The following PCCA variants were observed in gnomAD, a reference collection of about 807,000 sequenced individuals.
PCCA encodes the protein propionyl-CoA carboxylase alpha chain, mitochondrial.
A neutral mutation model predicts 101.3 loss-of-function variants in PCCA; 74 were observed. The observed-to-expected ratio is 0.73, with a 90% CI of 0.61 to 0.89. PCCA has a LOEUF of 0.89. Among genes scored for constraint, PCCA ranks in the 40% least tolerant of loss-of-function variants. The pLI is 0.00. For missense variants in PCCA, 891 were observed against 907.0 expected, an observed-to-expected ratio of 0.98 and a Z score of 0.23; for synonymous variants, 294 against 313.6, an observed-to-expected ratio of 0.94 and a Z score of 0.66.
At chr13:100,178,498 C>A (rs1372434543) in intron 6 of PCCA, among the ~76,000 whole-genome samples, 2 of 152,102 alleles carry the variant, frequency 1.3e-5, no homozygotes, top group Admixed American at 6.5e-5. Flanking sequence ...CTGACAAATC[C>A]CAAATGGGTT....
At chr13:100,235,313 A>T (rs529375412) in intron 7 of PCCA, among the ~76,000 whole-genome samples, 20 of 152,038 alleles carry the variant, frequency 1.3e-4, no homozygotes, top group Non-Finnish European at 2.8e-4. Flanking sequence ...ATAGAAAAGA[A>T]AAGGTAATGC....
rs375352524 is a variant in PCCA at position 100,265,289 on chromosome 13, TTTTG to T, written c.819+2467_819+2470del. Among the ~76,000 whole-genome samples the T allele has an allele frequency of 1.3e-3, 198 of 152,332 alleles. 2 individuals carry two copies. The highest frequency in any genetic ancestry group is 0.01 in the South Asian group (50 of 4,828). On this transcript the variant is annotated intron_variant, in intron 10 of 23. Coordinates refer to ENST00000376285, the MANE Select transcript of PCCA (RefSeq NM_000282.4). ...TGTTACTCTCCTTTACTTATTATTA[TTTTG>T]TTTGTTTGATGTGAGGCAGGGTCAG...
At position 100,431,589 on chromosome 13, in the gene PCCA, G is replaced by A. The variant is rs1206931551; in HGVS notation, c.1845+5858G>A. Among the ~76,000 whole-genome samples the A allele has an allele frequency of 3.9e-5, 6 of 152,140 alleles. No homozygotes were observed. The South Asian group carries it at 8.3e-4, about 21-fold the overall frequency. On this transcript the variant is annotated intron_variant, in intron 20 of 23. Transcript: ENST00000376285. ...CCTCATGGGATTGATTTTTGTACAC[G>A]GTATGAGTGGCTCACGCCTGTAATC... is the stretch of plus-strand genomic sequence containing the variant.
At chr13:100,422,408 G>C (rs1268784508) in intron 19 of PCCA, among the ~76,000 whole-genome samples, 2 of 152,012 alleles carry the variant, frequency 1.3e-5, no homozygotes, top group African/African-American at 4.8e-5. Flanking sequence ...AAAGTGCTGG[G>C]CTTACAGGCG....
chr13:100,140,587 T>C (rs1403713885), intron 4 of PCCA, among the ~76,000 whole-genome samples: 1 of 152,222 alleles, frequency 6.6e-6, no homozygotes, highest in Non-Finnish European at 1.5e-5. Flanking sequence ...AGGGAGATCA[T>C]GGGAGGAAAA....
intron 19 of PCCA, among the ~76,000 whole-genome samples, chr13:100,389,301 G>C (rs1244031464): frequency 6.6e-6 from 1 of 152,142 alleles, no homozygotes; most frequent in Non-Finnish European, 1.5e-5. Flanking sequence ...TACATAAAAA[G>C]TAGATACAGC....
chr13:100,191,272 C>T (rs2057723563), intron 6 of PCCA, among the ~76,000 whole-genome samples: 1 of 152,200 alleles, frequency 6.6e-6, no homozygotes, highest in Non-Finnish European at 1.5e-5. Context: ...CTTAAGGTTT[C>T]AAGTGCACAG....
intron 12 of PCCA, among the ~76,000 whole-genome samples, chr13:100,295,373 T>A (rs2065447924): frequency 6.6e-6 from 1 of 152,216 alleles, no homozygotes; most frequent in Admixed American, 6.5e-5. Context: ...CATACTAAAC[T>A]ACTTTGCTAA....
At chr13:100,298,744 G>A (rs188418739) in intron 12 of PCCA, among the ~76,000 whole-genome samples, 7 of 105,106 alleles carry the variant, frequency 6.7e-5, no homozygotes, top group East Asian at 5.8e-4. Context: ...CCTTCCTTCC[G>A]TCCTTCCTTC....
chr13:100,239,199 C>A (rs776405437), intron 8 of PCCA, among the ~76,000 whole-genome samples: 2 of 152,126 alleles, frequency 1.3e-5, no homozygotes, highest in Admixed American at 6.5e-5. Flanking sequence ...TGGGTTTAAT[C>A]ATTTTTGTTT....
At chr13:100,401,450 G>A (rs898650732) in intron 19 of PCCA, among the ~76,000 whole-genome samples, 13 of 152,054 alleles carry the variant, frequency 8.5e-5, no homozygotes, top group African/African-American at 1.7e-4. Context: ...CACTATGTTG[G>A]TCAGGCTGCT....
chr13:100,449,579 C>T (rs537183848), intron 21 of PCCA, among the ~76,000 whole-genome samples: 76 of 152,256 alleles, frequency 5.0e-4, no homozygotes, highest in Non-Finnish European at 8.1e-4. Context: ...CTCTGCCTCC[C>T]GGGTTCAAGC....
intron 12 of PCCA, among the ~76,000 whole-genome samples, chr13:100,278,654 A>G (rs757060250): frequency 7.9e-5 from 12 of 151,730 alleles, no homozygotes; most frequent in Non-Finnish European, 1.2e-4. Context: ...TAATTTTTGT[A>G]TTTTTAGTAG....
chr13:100,091,393 A>G (rs951966870), intron 1 of PCCA, among the ~76,000 whole-genome samples: 3 of 152,192 alleles, frequency 2.0e-5, no homozygotes, highest in African/African-American at 7.2e-5. Flanking sequence ...TGTTCTTAGT[A>G]CAATGTTTGA....
intron 15 of PCCA, among the ~76,000 whole-genome samples, chr13:100,309,119 A>C (rs947408535): frequency 2.0e-5 from 3 of 152,142 alleles, no homozygotes; most frequent in African/African-American, 7.2e-5. Context: ...TAAGGGCTGG[A>C]CGCAGTGGCT....
intron 6 of PCCA, among the ~76,000 whole-genome samples, chr13:100,162,729 G>C (rs556426318): frequency 2.6e-5 from 4 of 152,320 alleles, no homozygotes; most frequent in African/African-American, 9.6e-5. Flanking sequence ...AGTTAACTGA[G>C]TGCCAGAGCT....
intron 20 of PCCA, among the ~76,000 whole-genome samples, chr13:100,436,585 A>AGCCTTGGGTTCCCTGC (rs2079954655): frequency 6.6e-6 from 1 of 152,232 alleles, no homozygotes. Context: ...GGCGTGAAAC[A>AGCCTTGGGTTCCCTGC]GCCTTGGGTT....
At chr13:100,313,325 C>A (rs1034190080) in intron 16 of PCCA, among the ~76,000 whole-genome samples, 5 of 152,132 alleles carry the variant, frequency 3.3e-5, no homozygotes, top group Non-Finnish European at 5.9e-5. Context: ...AGCGTTATTG[C>A]AATAGAGAAA....
chr13:100,302,105 G>C (rs2066105733), intron 13 of PCCA, among the ~76,000 whole-genome samples: 1 of 151,792 alleles, frequency 6.6e-6, no homozygotes, highest in Non-Finnish European at 1.5e-5. Context: ...AAATTGTAAA[G>C]CTTTTAGTAA....
Sources: gnomAD v4.1 joint callset for allele counts (sites outside exome capture counted in the v4.1 genomes callset) on GRCh38, gnomAD v4.1.1 for gene constraint, MANE v1.5 for transcripts, NCBI Gene and HGNC (gene_info 2026-07-23, HGNC 2026-07-21) for gene names.